CDK17: variants seen among roughly 807,000 people sequenced by gnomAD.
CDK17 encodes cyclin dependent kinase 17, also known as cyclin-dependent kinase 17.
Under a neutral mutation model 77.6 loss-of-function variants are expected in CDK17, and 24 were observed. The observed-to-expected ratio is 0.31, with a 90% CI of 0.22 to 0.44. CDK17 has a LOEUF of 0.44. Ranked by LOEUF, CDK17 falls within the 20% of genes least tolerant of loss-of-function variation. The pLI, the probability that CDK17 is intolerant of heterozygous loss-of-function variation, is 1.00. For missense variants in CDK17, 429 were observed against 622.5 expected, an observed-to-expected ratio of 0.69 and a Z score of 3.31; for synonymous variants, 203 against 210.4, an observed-to-expected ratio of 0.96 and a Z score of 0.30.
intron 1 of CDK17, among the ~76,000 whole-genome samples, chr12:96,375,426 CTA>C (rs1224791454): frequency 2.0e-5 from 3 of 151,460 alleles, no homozygotes; most frequent in Non-Finnish European, 4.4e-5. Flanking sequence ...CATTTTTCTT[CTA>C]TGTTTCCTCC....
chr12:96,356,106 G>A (rs1324103691), intron 1 of CDK17, among the ~76,000 whole-genome samples: 2 of 152,150 alleles, frequency 1.3e-5, no homozygotes, highest in Non-Finnish European at 2.9e-5. Flanking sequence ...TATTAACTCT[G>A]TTAATATTAC....
intron 1 of CDK17, among the ~76,000 whole-genome samples, chr12:96,398,484 A>G (rs1174551756): frequency 6.6e-6 from 1 of 152,226 alleles, no homozygotes; most frequent in East Asian, 1.9e-4. Context: ...TTTCAAGGCA[A>G]GCTTTGTCTA....
chr12:96,388,618 C>A (rs1039110296), intron 1 of CDK17, among the ~76,000 whole-genome samples: 16 of 152,152 alleles, frequency 1.1e-4, no homozygotes, highest in African/African-American at 3.9e-4. Flanking sequence ...AATTTTATTA[C>A]CACTACCAAT....
rs1952421489 is a variant in CDK17 at position 96,297,334 on chromosome 12, TG to T, written c.811-3del. On this transcript the variant is annotated splice_polypyrimidine_tract_variant and splice_region_variant and intron_variant, in intron 8 of 16. Transcript: ENST00000261211. ...CATGTACTGTTTCAGGTCTTTATCCTGGAAAAACACAGCACTCTGCTATGTG... is the reference window on the plus strand; with the variant it reads ...CATGTACTGTTTCAGGTCTTTATCCTGAAAAACACAGCACTCTGCTATGTG... The T allele has an allele frequency of 6.2e-7, 1 of 1,600,894 alleles. No individual in the cohort carries two copies. Among genetic ancestry groups the T allele is most frequent in the Non-Finnish European group, 8.6e-7 (1 of 1,169,298 alleles).
chr12:96,306,250 C>A (rs896178440), intron 5 of CDK17, among the ~76,000 whole-genome samples: 1 of 152,028 alleles, frequency 6.6e-6, no homozygotes, highest in Non-Finnish European at 1.5e-5. Context: ...ATTTTTACTA[C>A]TCATTATATA....
intron 1 of CDK17, among the ~76,000 whole-genome samples, chr12:96,376,470 A>G (rs969222183): frequency 3.3e-5 from 5 of 152,224 alleles, no homozygotes; most frequent in African/African-American, 7.2e-5. Flanking sequence ...ACAAATGCTT[A>G]TAAGCAATAT....
At chr12:96,373,930 C>G (rs559825842) in intron 1 of CDK17, among the ~76,000 whole-genome samples, 1 of 152,066 alleles carries the variant, frequency 6.6e-6, no homozygotes, top group Non-Finnish European at 1.5e-5. Context: ...CCCTGGGCGA[C>G]AGAGCAAGAC....
intron 10 of CDK17, among the ~76,000 whole-genome samples, chr12:96,290,349 C>T (rs1952308248): frequency 6.6e-6 from 1 of 151,884 alleles, no homozygotes; most frequent in African/African-American, 2.4e-5. Context: ...TTTATTTTGC[C>T]AAAACAAGGA....
chr12:96,365,693 A>G (rs922965263), intron 1 of CDK17, among the ~76,000 whole-genome samples: 1 of 152,226 alleles, frequency 6.6e-6, no homozygotes, highest in Non-Finnish European at 1.5e-5. Context: ...GTGTTTGACA[A>G]ATTATTTCCT....
chr12:96,300,828 A>G (rs1952489613), intron 5 of CDK17, among the ~76,000 whole-genome samples: 1 of 152,186 alleles, frequency 6.6e-6, no homozygotes, highest in South Asian at 2.1e-4. Context: ...TTTAAAATAA[A>G]CCCAATGTTG....
intron 9 of CDK17, 40 bp downstream of exon 9, chr12:96,297,230 T>G (rs771039781): frequency 7.3e-7 from 1 of 1,376,236 alleles, no homozygotes. Flanking sequence ...CACCTATGCT[T>G]TAAACAAAAT....
At chr12:96,294,963 C>T in intron 10 of CDK17, 36 bp downstream of exon 10, 1 of 1,552,714 alleles carries the variant, frequency 6.4e-7, no homozygotes, top group Non-Finnish European at 8.7e-7. Flanking sequence ...ACTTTAGAAC[C>T]TGGAAGTACT....
chr12:96,289,312 G>T (rs1282469796), intron 10 of CDK17, 25 bp from the exon 11 acceptor site: 1 of 1,612,830 alleles, frequency 6.2e-7, no homozygotes. Flanking sequence ...TAAAACAAAG[G>T]GTTAAGAAAA....
chr12:96,293,467 A>G (rs905061466), intron 10 of CDK17, among the ~76,000 whole-genome samples: 2 of 152,228 alleles, frequency 1.3e-5, no homozygotes, highest in African/African-American at 4.8e-5. Context: ...CACAACATAC[A>G]TATATGAAGG....
chr12:96,382,887 C>G (rs1427051100), intron 1 of CDK17, among the ~76,000 whole-genome samples: 1 of 152,062 alleles, frequency 6.6e-6, no homozygotes, highest in African/African-American at 2.4e-5. Flanking sequence ...CTCACCACTC[C>G]TATTCAACAT....
chr12:96,392,682 G>T lies in CDK17; in HGVS notation c.-30+7304C>A, dbSNP rs909482794. On this transcript the variant is annotated intron_variant, in intron 1 of 16. Coordinates refer to ENST00000261211, the MANE Select transcript of CDK17 (RefSeq NM_002595.5). ...ACTGAAATTGGGAACAGAAATAGGGGATTCGAGTTCAGTTTAGGTAAGGGA... is the reference window on the plus strand; with the variant it reads ...ACTGAAATTGGGAACAGAAATAGGGTATTCGAGTTCAGTTTAGGTAAGGGA... Among the ~76,000 whole-genome samples, 8 of 152,196 alleles carry T rather than the reference G, an allele frequency of 5.3e-5. No homozygotes were observed. The East Asian group carries it at 1.2e-3, about 22-fold the overall frequency.
chr12:96,326,411 T>G (rs915438000), intron 2 of CDK17, among the ~76,000 whole-genome samples: 1 of 152,172 alleles, frequency 6.6e-6, no homozygotes, highest in Non-Finnish European at 1.5e-5. Context: ...TTTTACACTG[T>G]ATATTGAGGA....
At chr12:96,360,522 T>C (rs530314426) in intron 1 of CDK17, among the ~76,000 whole-genome samples, 76 of 152,212 alleles carry the variant, frequency 5.0e-4, no homozygotes, top group Non-Finnish European at 1.0e-3. Flanking sequence ...TGAAGAATTT[T>C]AGATGCCAAA....
chr12:96,382,505 T>A (rs528373572), intron 1 of CDK17, among the ~76,000 whole-genome samples: 1 of 152,214 alleles, frequency 6.6e-6, no homozygotes, highest in South Asian at 2.1e-4. Context: ...CCCTAACTCA[T>A]TCTAGGGAGC....
Sources: gnomAD v4.1 joint callset for allele counts (sites outside exome capture counted in the v4.1 genomes callset) on GRCh38, gnomAD v4.1.1 for gene constraint, MANE v1.5 for transcripts, NCBI Gene and HGNC (gene_info 2026-07-23, HGNC 2026-07-21) for gene names.